DLG2: variants seen among roughly 807,000 people sequenced by gnomAD.
DLG2 encodes disks large homolog 2.
A neutral mutation model predicts 132.5 loss-of-function variants in DLG2; 45 were observed. The ratio of observed to expected loss-of-function variants is 0.34; its 90% CI spans 0.27 to 0.44. The LOEUF (loss-of-function observed/expected upper bound fraction) is 0.44. DLG2 is among the 20% of genes least tolerant of loss of function. DLG2 has a pLI of 1.00. For synonymous variants in DLG2, 424 were observed against 419.6 expected (o/e 1.01, Z -0.13); for missense variants, 1,045 against 1,196.9 (o/e 0.87, Z 1.87).
At chr11:83,727,318 G>A (rs1416379148) in intron 18 of DLG2, among the ~76,000 whole-genome samples, 1 of 152,124 alleles carries the variant, frequency 6.6e-6, no homozygotes, top group Non-Finnish European at 1.5e-5. Context: ...GGGTTCCAGA[G>A]TCTGTCCTAT....
intron 18 of DLG2, among the ~76,000 whole-genome samples, chr11:83,668,184 G>A (rs979852175): frequency 2.6e-5 from 4 of 151,978 alleles, no homozygotes; most frequent in Non-Finnish European, 4.4e-5. Context: ...CACAGACGTG[G>A]TGGATATTGA....
chr11:85,521,751 GA>G (rs2074330117), intron 3 of DLG2, among the ~76,000 whole-genome samples: 3 of 152,314 alleles, frequency 2.0e-5, no homozygotes, highest in Admixed American at 2.0e-4. Flanking sequence ...GGGAACTAGA[GA>G]AAAGTTGATT....
intron 8 of DLG2, among the ~76,000 whole-genome samples, chr11:84,190,031 C>G (rs1458721039): frequency 6.6e-6 from 1 of 151,516 alleles, no homozygotes; most frequent in South Asian, 2.1e-4. Flanking sequence ...AAGGACAAAC[C>G]GCACAGTAAG....
chr11:84,633,826 CGTT>C (rs1184058983), intron 6 of DLG2, among the ~76,000 whole-genome samples: 2 of 152,060 alleles, frequency 1.3e-5, no homozygotes, highest in Non-Finnish European at 2.9e-5. Context: ...GGCCTGCTCT[CGTT>C]GTTGGGTTCT....
chr11:83,958,532 T>A (rs2087549273), intron 14 of DLG2, among the ~76,000 whole-genome samples: 1 of 152,236 alleles, frequency 6.6e-6, no homozygotes, highest in African/African-American at 2.4e-5. Context: ...CTGGGTTTCA[T>A]AATGCTATTT....
At chr11:85,328,708 C>G (rs1399321382) in intron 3 of DLG2, among the ~76,000 whole-genome samples, 2 of 151,570 alleles carry the variant, frequency 1.3e-5, no homozygotes, top group Admixed American at 1.3e-4. Context: ...CCTTTGAAAA[C>G]CGGCACAAGA....
In DLG2 at chr11:83,889,514, G is replaced by A. The variant is rs2069025232; in HGVS notation, c.1497-15026C>T. The stretch of plus-strand genomic sequence containing the variant: ...ACACTTTTACACTGTTGGTGGGACT[G>A]TAAACTAGTTCAACCATTGTGGAAG... On this transcript the variant is annotated intron_variant, in intron 15 of 27. Transcript: ENST00000376104. 2.6e-5 allele frequency among the ~76,000 whole-genome samples: 4 copies of A among 152,178 alleles called. No homozygotes were observed. The South Asian group carries it at 8.3e-4, about 32-fold the overall frequency.
chr11:84,940,186 T>G (rs1445970658), intron 6 of DLG2, among the ~76,000 whole-genome samples: 8 of 152,372 alleles, frequency 5.3e-5, no homozygotes, highest in African/African-American at 1.9e-4. Flanking sequence ...ACTCTTGCTC[T>G]GTCTCCCAGG....
rs2098520364 is a variant in DLG2, at chr11:84,342,606, T to C, written c.520-91315A>G. 3.3e-5 allele frequency among the ~76,000 whole-genome samples: 5 copies of C among 152,194 alleles called. No homozygotes were observed. The South Asian group carries it at 1.0e-3, about 31-fold the overall frequency. ...TTATAATATCTACCTATTAGGTTTA[T>C]TATGAAGACTAAATGTGGACATGTA... On this transcript the variant is annotated intron_variant, in intron 7 of 27. Coordinates refer to ENST00000376104, the MANE Select transcript of DLG2 (RefSeq NM_001142699.3).
chr11:83,700,566 G>A (rs1476053124), intron 18 of DLG2, among the ~76,000 whole-genome samples: 2 of 152,164 alleles, frequency 1.3e-5, no homozygotes, highest in Admixed American at 1.3e-4. Flanking sequence ...ATGACTCTGA[G>A]AATTAGAAAT....
At chr11:85,625,621 G>A (rs2153286895) in intron 2 of DLG2, among the ~76,000 whole-genome samples, 1 of 152,294 alleles carries the variant, frequency 6.6e-6, no homozygotes, top group African/African-American at 2.4e-5. Context: ...ACACCATGCA[G>A]AGATAAGTTC....
intron 6 of DLG2, among the ~76,000 whole-genome samples, chr11:84,711,218 G>T (rs17147516): frequency 0.025 from 3,761 of 151,436 alleles, 166 homozygotes; most frequent in African/African-American, 0.087. Context: ...TGATTTATCA[G>T]CTTCTCTGTA....
In DLG2 at chr11:85,260,727, G is replaced by A. The variant is rs192870329; in HGVS notation, c.186+24493C>T. On this transcript the variant is annotated intron_variant, in intron 4 of 27. Transcript: ENST00000376104. ...TTGGCCATTCTGGTCACTCGCTTTTGAATGCCCTCACTTTTGTCTACATTC... is the reference window on the plus strand; with the variant it reads ...TTGGCCATTCTGGTCACTCGCTTTTAAATGCCCTCACTTTTGTCTACATTC... Among the ~76,000 whole-genome samples, 7 of 152,306 alleles carry A rather than the reference G, an allele frequency of 4.6e-5. No individual in the cohort carries two copies. The East Asian group carries it at 1.4e-3, about 29-fold the overall frequency.
At chr11:85,059,548 C>T (rs951706919) in intron 6 of DLG2, among the ~76,000 whole-genome samples, 2 of 151,302 alleles carry the variant, frequency 1.3e-5, no homozygotes, top group African/African-American at 2.4e-5. Context: ...TGTATTCGTA[C>T]AATGGATCAC....
chr11:84,909,382 T>C (rs1409204968), intron 6 of DLG2, among the ~76,000 whole-genome samples: 1 of 152,226 alleles, frequency 6.6e-6, no homozygotes, highest in Non-Finnish European at 1.5e-5. Context: ...ATTGTGTGTA[T>C]AGAAAGACTA....
At chr11:85,385,965 C>T (rs2086288417) in intron 3 of DLG2, among the ~76,000 whole-genome samples, 1 of 152,144 alleles carries the variant, frequency 6.6e-6, no homozygotes, top group African/African-American at 2.4e-5. Flanking sequence ...TTGACGATTC[C>T]CTGAGATGTC....
chr11:85,256,908 T>C (rs537299937), intron 4 of DLG2, among the ~76,000 whole-genome samples: 30 of 152,274 alleles, frequency 2.0e-4, no homozygotes, highest in African/African-American at 7.2e-4. Context: ...CCACCTAATA[T>C]AGAATGTTGT....
At chr11:84,544,678 G>A (rs941077218) in intron 6 of DLG2, among the ~76,000 whole-genome samples, 1 of 152,132 alleles carries the variant, frequency 6.6e-6, no homozygotes, top group African/African-American at 2.4e-5. Flanking sequence ...GTTGACTGAA[G>A]TTATGAACCA....
At chr11:83,500,604 G>T (rs1161366752) in intron 21 of DLG2, among the ~76,000 whole-genome samples, 1 of 152,174 alleles carries the variant, frequency 6.6e-6, no homozygotes, top group East Asian at 1.9e-4. Context: ...CATTAAAGCT[G>T]ATGGAGCTTT....
Sources: allele counts gnomAD v4.1 joint callset (sites outside exome capture counted in the v4.1 genomes callset), GRCh38; gene constraint gnomAD v4.1.1; transcripts MANE v1.5; gene names NCBI Gene and HGNC (gene_info 2026-07-23, HGNC 2026-07-21).